The following SPEF2 variants were observed in gnomAD, a reference collection of about 807,000 sequenced individuals.
The protein encoded by SPEF2 is sperm flagellar and cilia associated 2.
In SPEF2, 187 loss-of-function variants were observed where a neutral mutation model predicts 224.6. That is an observed-to-expected ratio of 0.83 (90% CI 0.74 to 0.94). The LOEUF (loss-of-function observed/expected upper bound fraction) is 0.94, where lower values mean the gene tolerates loss of function less well. Among genes scored for constraint, SPEF2 ranks in the 40% least tolerant of loss-of-function variants. SPEF2 has a pLI of 0.00. For missense variants in SPEF2, 2,170 were observed against 2,135.6 expected (o/e 1.02, Z -0.32); for synonymous variants, 715 against 707.3 (o/e 1.01, Z -0.17).
chr5:35,777,664 C>CAAATAAATAAATAAAT (rs35899152), intron 29 of SPEF2, among the ~76,000 whole-genome samples: 1,536 of 144,042 alleles, frequency 0.011, 12 homozygotes, highest in African/African-American at 0.018. Context: ...AAATGTGATA[C>CAAATAAATAAATAAAT]AAATAAATAA....
Position 35,700,125 on chromosome 5 carries a change from G to A in SPEF2, c.2142-371G>A, listed in dbSNP as rs111785742. 1,363 of 187,214 alleles carry A rather than the reference G, an allele frequency of 7.3e-3. 23 individuals carry two copies. The highest frequency in any genetic ancestry group is 0.031 in the African/African-American group (1,298 of 42,468). 11.6% of individuals were successfully genotyped at this position (187,214 alleles called of 1,614,324 possible). On this transcript the variant is annotated intron_variant, in intron 15 of 36. Coordinates refer to ENST00000356031, the MANE Select transcript of SPEF2 (RefSeq NM_024867.4). The stretch of plus-strand genomic sequence containing the variant: ...GACTTTCTCCTCCTTGCCTTCTGCC[G>A]TGATTGTGAGGCTTCCCCCACCATG...
At chr5:35,654,471 A>G (rs1379093652) in intron 6 of SPEF2, 69 bp from the exon 7 acceptor site, 1 of 1,287,688 alleles carries the variant, frequency 7.8e-7, no homozygotes, top group African/African-American at 1.5e-5. Flanking sequence ...GTCTTTCTCC[A>G]TAGTCACAGA....
chr5:35,716,076 G>A (rs768942232), intron 20 of SPEF2, among the ~76,000 whole-genome samples: 2 of 151,946 alleles, frequency 1.3e-5, no homozygotes, highest in African/African-American at 2.4e-5. Flanking sequence ...TGCCAGTGCT[G>A]TTGCAGTCCA....
chr5:35,748,601 C>T (rs1748923480), intron 23 of SPEF2, among the ~76,000 whole-genome samples: 1 of 152,076 alleles, frequency 6.6e-6, no homozygotes, highest in African/African-American at 2.4e-5. Context: ...TGGAAAAATA[C>T]AACCTTCCTA....
intron 6 of SPEF2, among the ~76,000 whole-genome samples, chr5:35,651,643 A>G (rs1336737193): frequency 6.6e-6 from 1 of 152,198 alleles, no homozygotes; most frequent in African/African-American, 2.4e-5. Context: ...GTTCATGCTG[A>G]ATCTTAGCTT....
chr5:35,643,503 A>G (rs1193388129), intron 3 of SPEF2: 3 of 456,120 alleles, frequency 6.6e-6, no homozygotes, highest in Non-Finnish European at 8.8e-6. Context: ...TTATGGACCT[A>G]GAGACTGGGG....
chr5:35,750,585 A>G (rs891185193), intron 23 of SPEF2, among the ~76,000 whole-genome samples: 13 of 152,192 alleles, frequency 8.5e-5, no homozygotes, highest in Admixed American at 8.5e-4. Context: ...CAACAAACAT[A>G]TGAAAAAATG....
chr5:35,806,582 C>T, intron 34 of SPEF2, 125 bp from the exon 35 acceptor site: 2 of 1,216,074 alleles, frequency 1.6e-6, no homozygotes, highest in African/African-American at 1.5e-5. Flanking sequence ...GACTGGTTAG[C>T]TAGTTTGTGG....
chr5:35,793,677 G>A (rs1756260201), intron 32 of SPEF2, among the ~76,000 whole-genome samples: 1 of 151,366 alleles, frequency 6.6e-6, no homozygotes, highest in Admixed American at 6.6e-5. Flanking sequence ...CTTTTAATAG[G>A]TCCAATGTCC....
chr5:35,672,625 ATAATACATTTGCTTGAACAAATAGTG>A (rs1473566444), intron 10 of SPEF2, among the ~76,000 whole-genome samples: 3 of 152,020 alleles, frequency 2.0e-5, no homozygotes, highest in African/African-American at 7.2e-5. Context: ...GTATAATAGT[ATAATACATTTGCTTGAACAAATAGTG>A]TAATACATTT....
chr5:35,647,158 C>T (rs1194408552), intron 5 of SPEF2, among the ~76,000 whole-genome samples: 1 of 152,228 alleles, frequency 6.6e-6, no homozygotes, highest in East Asian at 1.9e-4. Flanking sequence ...AAAAGAATAC[C>T]TGAGGCTGGG....
intron 21 of SPEF2, among the ~76,000 whole-genome samples, chr5:35,738,713 C>T (rs1278370863): frequency 2.0e-5 from 3 of 151,516 alleles, no homozygotes; most frequent in Non-Finnish European, 4.4e-5. Context: ...ATTGAGATGT[C>T]TGTGGGGTTG....
Position 35,788,942 on chromosome 5 carries a change from A to G in SPEF2, c.4448-3398A>G, listed in dbSNP as rs186138981. On this transcript the variant is annotated intron_variant, in intron 30 of 36. Transcript: ENST00000356031. ...CCTTCGACCTGTGATGCCTTCTCAA[A>G]TAGGAGACAGGAAGTGGCTTCATGG... 8.7e-5 allele frequency: 61 copies of G among 703,048 alleles called. 1 individual carries two copies. The East Asian group carries it at 1.1e-3, about 13-fold the overall frequency. 43.6% of individuals were successfully genotyped at this position (703,048 alleles called of 1,614,324 possible). A position where few individuals can be genotyped will look rare whatever the true frequency, so the allele number is the denominator to read the frequency against.
chr5:35,735,740 T>G (rs1218664973), intron 21 of SPEF2, among the ~76,000 whole-genome samples: 1 of 152,214 alleles, frequency 6.6e-6, no homozygotes, highest in Non-Finnish European at 1.5e-5. Flanking sequence ...TTAGATTATT[T>G]CTTGGTTTTG....
chr5:35,744,478 C>G (rs1260933463), intron 23 of SPEF2, among the ~76,000 whole-genome samples: 1 of 152,156 alleles, frequency 6.6e-6, no homozygotes, highest in Admixed American at 6.5e-5. Context: ...TAGAGAGCTT[C>G]TGCTGTTGCA....
chr5:35,695,800 AG>A lies in SPEF2; in HGVS notation c.2037+5del. The A allele has an allele frequency of 6.3e-7, 1 of 1,599,104 alleles. No homozygotes were observed. The highest frequency in any genetic ancestry group is 8.5e-7 in the Non-Finnish European group (1 of 1,170,278). On this transcript the variant is annotated splice_donor_5th_base_variant and intron_variant, in intron 14 of 36. Coordinates refer to ENST00000356031, the MANE Select transcript of SPEF2 (RefSeq NM_024867.4). ...ATCAAGTGATAGTTTCTTAAAAGTA[AG>A]TATTATGATCTAATTTTAGCTACTA...
At chr5:35,642,976 C>G (rs1746808528) in intron 3 of SPEF2, among the ~76,000 whole-genome samples, 1 of 152,138 alleles carries the variant, frequency 6.6e-6, no homozygotes. Context: ...GAGCCAGCCT[C>G]TAAACAACTC....
At chr5:35,687,673 A>G (rs1270509199) in intron 10 of SPEF2, among the ~76,000 whole-genome samples, 2 of 152,244 alleles carry the variant, frequency 1.3e-5, no homozygotes, top group East Asian at 3.9e-4. Flanking sequence ...CTTTCAAATC[A>G]TTTGTCATAT....
At chr5:35,791,338 T>A (rs1430920132) in intron 30 of SPEF2, among the ~76,000 whole-genome samples, 1 of 152,180 alleles carries the variant, frequency 6.6e-6, no homozygotes, top group Non-Finnish European at 1.5e-5. Flanking sequence ...CTCAAAATTG[T>A]GTATTTGATT....
Sources: gnomAD v4.1 joint callset for allele counts (sites outside exome capture counted in the v4.1 genomes callset) on GRCh38, gnomAD v4.1.1 for gene constraint, MANE v1.5 for transcripts, NCBI Gene and HGNC (gene_info 2026-07-23, HGNC 2026-07-21) for gene names.